The following LYN variants were observed in gnomAD, a reference collection of about 807,000 sequenced individuals.
The protein encoded by LYN is tyrosine-protein kinase Lyn.
A neutral mutation model predicts 65.0 loss-of-function variants in LYN; 12 were observed. That is an observed-to-expected ratio of 0.18 (90% CI 0.12 to 0.30). The LOEUF is 0.30. LYN is among the 10% of genes least tolerant of loss of function. The probability of loss-of-function intolerance (pLI) is 1.00; values close to 1 mark genes in which losing one functional copy is unlikely to be tolerated. For missense variants in LYN, 380 were observed against 623.2 expected, an observed-to-expected ratio of 0.61 and a Z score of 4.16; for synonymous variants, 222 against 221.2, an observed-to-expected ratio of 1.00 and a Z score of -0.03.
At chr8:55,888,567 A>G (rs996142809) in intron 1 of LYN, among the ~76,000 whole-genome samples, 3 of 152,212 alleles carry the variant, frequency 2.0e-5, no homozygotes, top group African/African-American at 4.8e-5. Flanking sequence ...GAATGACTCA[A>G]GGCTACTTCT....
chr8:55,958,614 C>T (rs1319244428), intron 8 of LYN, among the ~76,000 whole-genome samples: 1 of 152,196 alleles, frequency 6.6e-6, no homozygotes, highest in African/African-American at 2.4e-5. Flanking sequence ...TACTCTTTAA[C>T]ACCAACTCCC....
chr8:56,005,126 C>G (rs953929354), intron 12 of LYN, among the ~76,000 whole-genome samples: 2 of 152,100 alleles, frequency 1.3e-5, no homozygotes, highest in Non-Finnish European at 2.9e-5. Flanking sequence ...GAGGTGTAAG[C>G]TGAAAGGTCC....
chr8:55,950,133 A>G (rs1806899692), intron 4 of LYN, among the ~76,000 whole-genome samples: 1 of 152,326 alleles, frequency 6.6e-6, no homozygotes, highest in Admixed American at 6.5e-5. Flanking sequence ...GTAATACTCC[A>G]CTGGATGGAT....
chr8:55,952,466 A>G (rs1806979546), intron 7 of LYN, among the ~76,000 whole-genome samples: 8 of 152,160 alleles, frequency 5.3e-5, no homozygotes, highest in Admixed American at 4.6e-4. Flanking sequence ...AGGCTGAGGC[A>G]GGAGAATCAC....
intron 1 of LYN, among the ~76,000 whole-genome samples, chr8:55,881,729 A>G (rs1428592106): frequency 1.3e-5 from 2 of 152,190 alleles, no homozygotes. Flanking sequence ...CACTTGGGCC[A>G]TTTATTCAGC....
Position 56,013,034 on chromosome 8 carries a change from G to T in LYN, c.*2924G>T, listed in dbSNP as rs1000607625. On this transcript the variant is annotated 3_prime_UTR_variant, in exon 13 of 13. Transcript: ENST00000519728. Reference sequence around the variant, plus strand: ...TGAGGTTCCACAGAATCCCCTTGCAGAAAGTACTTCTGATGAGCCACTGGG... The same window carrying T: ...TGAGGTTCCACAGAATCCCCTTGCATAAAGTACTTCTGATGAGCCACTGGG... 1 of 152,240 alleles carries T rather than the reference G, an allele frequency of 6.6e-6. No individual in the cohort carries two copies. Among genetic ancestry groups the T allele is most frequent in the African/African-American group, 2.4e-5 (1 of 41,436 alleles). 9.4% of individuals were successfully genotyped at this position (152,240 alleles called of 1,614,324 possible).
intron 1 of LYN, among the ~76,000 whole-genome samples, chr8:55,930,653 T>C (rs1214709820): frequency 6.6e-6 from 1 of 152,190 alleles, no homozygotes; most frequent in Non-Finnish European, 1.5e-5. Flanking sequence ...CCCTGTTGTC[T>C]TCCTCTGTGT....
At chr8:55,917,203 A>G (rs1220107183) in intron 1 of LYN, among the ~76,000 whole-genome samples, 1 of 151,064 alleles carries the variant, frequency 6.6e-6, no homozygotes, top group Non-Finnish European at 1.5e-5. Flanking sequence ...AGAGAGAGAG[A>G]AAGATGGGAT....
intron 1 of LYN, among the ~76,000 whole-genome samples, chr8:55,933,266 G>A (rs1806321615): frequency 6.6e-6 from 1 of 152,142 alleles, no homozygotes; most frequent in East Asian, 1.9e-4. Context: ...TACCAATTTT[G>A]GTGAACTGAT....
At chr8:56,008,346 A>T (rs569036156) in intron 12 of LYN, among the ~76,000 whole-genome samples, 7 of 152,192 alleles carry the variant, frequency 4.6e-5, no homozygotes, top group Non-Finnish European at 7.3e-5. Flanking sequence ...CAGTGATGGT[A>T]TAATCTACAG....
chr8:55,969,705 C>T lies in LYN; in HGVS notation c.974-12C>T, dbSNP rs1482787098. The T allele has an allele frequency of 5.3e-5, 85 of 1,609,164 alleles. No homozygotes were observed. Among genetic ancestry groups the T allele is most frequent in the Non-Finnish European group, 6.7e-5 (79 of 1,175,584 alleles). ...TTTGGAATGCACTAACTTGTTCTTT[C>T]TTTCTCCATAGGCAGTTTGCTGGAT... is the stretch of plus-strand genomic sequence containing the variant. On this transcript the variant is annotated splice_polypyrimidine_tract_variant and intron_variant, in intron 9 of 12. Coordinates refer to ENST00000519728, the MANE Select transcript of LYN (RefSeq NM_002350.4).
chr8:55,886,259 G>A (rs1042577771), intron 1 of LYN, among the ~76,000 whole-genome samples: 2 of 44,624 alleles, frequency 4.5e-5, no homozygotes, highest in African/African-American at 8.0e-5. Flanking sequence ...TTTTTTTTTT[G>A]AGATGGAGTC....
chr8:55,912,317 G>T (rs1805659640), intron 1 of LYN, among the ~76,000 whole-genome samples: 1 of 152,204 alleles, frequency 6.6e-6, no homozygotes, highest in South Asian at 2.1e-4. Context: ...ATGAAAGCCA[G>T]TCAAGGAAAG....
At chr8:55,923,436 C>T (rs1232257103) in intron 1 of LYN, among the ~76,000 whole-genome samples, 1 of 152,208 alleles carries the variant, frequency 6.6e-6, no homozygotes, top group Non-Finnish European at 1.5e-5. Context: ...CTTACAGATT[C>T]CCAAATATGC....
At chr8:55,922,526 G>C (rs1805974092) in intron 1 of LYN, among the ~76,000 whole-genome samples, 1 of 152,110 alleles carries the variant, frequency 6.6e-6, no homozygotes, top group Non-Finnish European at 1.5e-5. Flanking sequence ...TATAATCCCA[G>C]CACTTTGGGA....
In LYN at chr8:55,911,098, T is replaced by TATATATATATATATACACACACACACAC. The variant is rs1162508957; in HGVS notation, c.-5-30756_-5-30755insTATATATATATATACACACACACACACA. Among the ~76,000 whole-genome samples, 4 of 11,686 alleles carry TATATATATATATATACACACACACACAC rather than the reference T, an allele frequency of 3.4e-4. 1 individual carries two copies. The highest frequency in any genetic ancestry group is 4.5e-3 in the South Asian group (2 of 446). 7.7% of individuals were successfully genotyped at this position (11,686 alleles called of 152,430 possible). On this transcript the variant is annotated intron_variant, in intron 1 of 12. Coordinates refer to ENST00000519728, the MANE Select transcript of LYN (RefSeq NM_002350.4). ...ATATACATACATATATATATATATA[T>TATATATATATATATACACACACACACAC]ACATACACGTATATATACGTATATA...
chr8:55,888,714 T>C (rs566605902), intron 1 of LYN, among the ~76,000 whole-genome samples: 53 of 152,268 alleles, frequency 3.5e-4, no homozygotes, highest in Admixed American at 2.9e-3. Context: ...ACAGATACAG[T>C]AATGGGCACA....
intron 1 of LYN, among the ~76,000 whole-genome samples, chr8:55,899,476 G>A (rs1407766339): frequency 6.6e-6 from 1 of 152,072 alleles, no homozygotes; most frequent in African/African-American, 2.4e-5. Context: ...AAATGTAAAC[G>A]CAGGAATAAG....
chr8:55,984,205 A>T (rs1283401916), intron 10 of LYN, among the ~76,000 whole-genome samples: 3 of 152,190 alleles, frequency 2.0e-5, no homozygotes, highest in Non-Finnish European at 4.4e-5. Flanking sequence ...ATTTCCAAAT[A>T]AGGCCACATT....
Sources: allele counts gnomAD v4.1 joint callset (sites outside exome capture counted in the v4.1 genomes callset), GRCh38; gene constraint gnomAD v4.1.1; transcripts MANE v1.5; gene names NCBI Gene and HGNC (gene_info 2026-07-23, HGNC 2026-07-21).